The following RABGAP1 variants were observed in gnomAD, a reference collection of about 807,000 sequenced individuals.
RABGAP1 encodes RAB GTPase activating protein 1.
Under a neutral mutation model 137.6 loss-of-function variants are expected in RABGAP1, and 23 were observed. The observed-to-expected ratio is 0.17, with a 90% CI of 0.12 to 0.24. The LOEUF (loss-of-function observed/expected upper bound fraction) is 0.24. Among genes scored for constraint, RABGAP1 ranks in the 10% least tolerant of loss-of-function variants. The pLI, the probability that RABGAP1 is intolerant of heterozygous loss-of-function variation, is 1.00. For missense variants in RABGAP1, 906 were observed against 1,275.8 expected (o/e 0.71, Z 4.42); for synonymous variants, 451 against 450.7 (o/e 1.00, Z -0.01).
intron 13 of RABGAP1, among the ~76,000 whole-genome samples, chr9:123,029,066 G>A (rs2032150452): frequency 6.6e-6 from 1 of 152,110 alleles, no homozygotes; most frequent in African/African-American, 2.4e-5. Context: ...AATAATTCAG[G>A]CAAGAGATAA....
chr9:122,986,292 T>A lies in RABGAP1; in HGVS notation c.463T>A (p.Cys155Ser). The stretch of plus-strand genomic sequence containing the variant: ...TTTCAGTAAACTGACTTACTTAGGC[T>A]GTGCCTCGGTAAATGCTCCCAGGAG... ...VVFSKLTYLG[C>S]ASVNAPRSEV... The change falls in exon 4 of 26, where the codon TGT (cysteine) becomes AGT (serine). Residue 155 changes from cysteine to serine, a missense_variant. This residue lies in a region of RABGAP1 where 331 missense variants were observed against 358.3 expected (regional missense o/e 0.92). Transcript: ENST00000373647. 6.2e-7 allele frequency: 1 copy of A among 1,614,172 alleles called. No individual in the cohort carries two copies. The highest frequency in any genetic ancestry group is 8.5e-7 in the Non-Finnish European group (1 of 1,179,982).
At chr9:122,950,377 C>CATT (rs1834167241) in intron 1 of RABGAP1, among the ~76,000 whole-genome samples, 1 of 74,492 alleles carries the variant, frequency 1.3e-5, no homozygotes, top group African/African-American at 5.3e-5. Flanking sequence ...CTTTTTCTTT[C>CATT]TTTTTTTTTT....
chr9:123,026,083 G>A (rs1249224831), intron 13 of RABGAP1, among the ~76,000 whole-genome samples: 1 of 145,722 alleles, frequency 6.9e-6, no homozygotes, highest in Non-Finnish European at 1.5e-5. Context: ...CAGCACTTTC[G>A]AAGACCGAGG....
chr9:122,939,575 C>T (rs904365215), upstream of RABGAP1: 20 of 152,038 alleles, frequency 1.3e-4, no homozygotes, highest in African/African-American at 4.6e-4. Context: ...TTGTGTAGTA[C>T]AATTTTATTT....
At position 123,019,745 on chromosome 9, in the gene RABGAP1, C is replaced by T. The variant is rs141881920; in HGVS notation, c.1644-564C>T. The stretch of plus-strand genomic sequence containing the variant: ...TCGCTCTGTCACCCAGGCTGGAGTG[C>T]GGTGGTGCAATCTTGGCTTACTGCA... On this transcript the variant is annotated intron_variant, in intron 12 of 25. Transcript: ENST00000373647. 6.0e-3 allele frequency among the ~76,000 whole-genome samples: 910 copies of T among 152,086 alleles called. 4 individuals are homozygous for T. Among genetic ancestry groups the T allele is most frequent in the South Asian group, 8.9e-3 (43 of 4,816 alleles).
At chr9:122,998,219 C>G (rs555164254) in intron 9 of RABGAP1, among the ~76,000 whole-genome samples, 1 of 152,240 alleles carries the variant, frequency 6.6e-6, no homozygotes, top group African/African-American at 2.4e-5. Flanking sequence ...CCTACCTCAG[C>G]CTCCCAAATA....
chr9:123,013,448 C>T (rs2030980218), intron 11 of RABGAP1, among the ~76,000 whole-genome samples: 1 of 152,032 alleles, frequency 6.6e-6, no homozygotes, highest in Non-Finnish European at 1.5e-5. Flanking sequence ...TCTCCTGCCT[C>T]AGCCTCCTGA....
At chr9:122,941,475 T>C (rs554220074) in intron 1 of RABGAP1, among the ~76,000 whole-genome samples, 1 of 152,054 alleles carries the variant, frequency 6.6e-6, no homozygotes, top group African/African-American at 2.4e-5. Flanking sequence ...ATCCAGCCGC[T>C]CCCCCCCGCC....
Position 123,043,806 on chromosome 9 carries a change from G to T in RABGAP1, c.1795-21542G>T, listed in dbSNP as rs540355380. 7.9e-5 allele frequency among the ~76,000 whole-genome samples: 12 copies of T among 151,982 alleles called. No homozygotes were observed. In the South Asian group the frequency reaches 2.5e-3, roughly 32 times the overall value. On this transcript the variant is annotated intron_variant, in intron 13 of 25. Coordinates refer to ENST00000373647, the MANE Select transcript of RABGAP1 (RefSeq NM_012197.4). ...TTTAAAAAAAGGAGAGGTGAAAATG[G>T]TTGCCTCTAAGGAATAGGGTATGAA...
chr9:123,101,687 A>G lies in RABGAP1; in HGVS notation c.3011A>G (p.Lys1004Arg). The change falls in exon 25 of 26, where the codon AAG (lysine) becomes AGG (arginine). Residue 1004 changes from lysine (K) to arginine (R), a missense_variant. Physicochemically the swap from Lys to Arg is conservative, Grantham distance 26. Transcript: ENST00000373647. Reference sequence around the variant, plus strand: ...ACGGATGAAGAGAAAGAGACGCTCAAGAACCAGCTGAGAGAAATGGAGCTA... The same window carrying G: ...ACGGATGAAGAGAAAGAGACGCTCAGGAACCAGCTGAGAGAAATGGAGCTA... ...EDTDEEKETL[K>R]NQLREMELEL... 1.2e-6 allele frequency: 2 copies of G among 1,614,090 alleles called. No homozygotes were observed. The highest frequency in any genetic ancestry group is 1.7e-6 in the Non-Finnish European group (2 of 1,180,000).
rs1338467610 is a variant in RABGAP1 at position 123,057,924 on chromosome 9, G to A, written c.1795-7424G>A. 1.5e-4 allele frequency among the ~76,000 whole-genome samples: 23 copies of A among 152,156 alleles called. 1 individual carries two copies. Among genetic ancestry groups the A allele is most frequent in the Admixed American group, 1.5e-3 (23 of 15,270 alleles). On this transcript the variant is annotated intron_variant, in intron 13 of 25. Transcript: ENST00000373647. ...GAAAACCAGTCAGGCGTGGCGGCGC[G>A]CGCCTGCAATCACAGGCACTGGGCA... is the stretch of plus-strand genomic sequence containing the variant.
chr9:122,960,717 G>C (rs1264038345), intron 2 of RABGAP1, among the ~76,000 whole-genome samples: 1 of 152,174 alleles, frequency 6.6e-6, no homozygotes, highest in Non-Finnish European at 1.5e-5. Flanking sequence ...TTAACACAGA[G>C]CTTTCAAGGT....
At chr9:123,098,845 T>C in intron 23 of RABGAP1, 47 bp downstream of exon 23, 1 of 1,426,858 alleles carries the variant, frequency 7.0e-7, no homozygotes, top group Non-Finnish European at 9.8e-7. Flanking sequence ...TGGGAGCCCC[T>C]AGTCTGGATA....
At chr9:122,935,359 A>T in the RABGAP1 span, among the ~76,000 whole-genome samples, 4 of 151,376 alleles carry the variant, frequency 2.6e-5, no homozygotes, top group African/African-American at 9.7e-5. Context: ...TTTTTTTTTG[A>T]GACAGTCTCG....
intron 2 of RABGAP1, among the ~76,000 whole-genome samples, chr9:122,983,400 T>C (rs745696284): frequency 1.3e-5 from 2 of 152,176 alleles, no homozygotes; most frequent in African/African-American, 2.4e-5. Context: ...GTGTTGGAAT[T>C]TCCTTGGGAA....
At chr9:122,997,183 T>G (rs1200951969) in intron 8 of RABGAP1, 76 bp from the exon 9 acceptor site, 1 of 1,124,378 alleles carries the variant, frequency 8.9e-7, no homozygotes, top group Admixed American at 2.4e-5. Flanking sequence ...TTCTGGTTTT[T>G]AAAGGCAGCA....
intron 13 of RABGAP1, among the ~76,000 whole-genome samples, chr9:123,055,332 C>T (rs1320503024): frequency 6.6e-6 from 1 of 152,160 alleles, no homozygotes; most frequent in Non-Finnish European, 1.5e-5. Context: ...GCTGGGACTA[C>T]AAGTGCTGCC....
intron 10 of RABGAP1, among the ~76,000 whole-genome samples, chr9:122,999,306 C>T (rs1438916297): frequency 2.0e-5 from 1 of 50,424 alleles, no homozygotes; most frequent in African/African-American, 6.6e-5. Flanking sequence ...GCCTCAGCCT[C>T]CCGAGTAGCT....
intron 13 of RABGAP1, among the ~76,000 whole-genome samples, chr9:123,026,199 C>G (rs1564142617): frequency 6.6e-6 from 1 of 151,938 alleles, no homozygotes. Flanking sequence ...TGGTGGGCAC[C>G]TATAATCACA....
Sources: gnomAD v4.1 joint callset for allele counts (sites outside exome capture counted in the v4.1 genomes callset) on GRCh38, gnomAD v4.1.1 for gene constraint, gnomAD v4.1.1 regional missense constraint, MANE v1.5 for transcripts, NCBI Gene and HGNC (gene_info 2026-07-23, HGNC 2026-07-21) for gene names.